The following NLGN1 variants were observed in gnomAD, a reference collection of about 807,000 sequenced individuals.
NLGN1 encodes the protein neuroligin-1.
A neutral mutation model predicts 65.5 loss-of-function variants in NLGN1; 12 were observed. The observed-to-expected ratio is 0.18, with a 90% CI of 0.12 to 0.30. NLGN1 has a LOEUF of 0.30. NLGN1 is among the 10% of genes least tolerant of loss of function. The probability of loss-of-function intolerance (pLI) is 1.00; values close to 1 mark genes in which losing one functional copy is unlikely to be tolerated. For missense variants in NLGN1, 750 were observed against 1,007.1 expected (o/e 0.74, Z 3.46); for synonymous variants, 350 against 359.5 (o/e 0.97, Z 0.30).
chr3:174,118,440 AAAT>A (rs1717027720), intron 4 of NLGN1, among the ~76,000 whole-genome samples: 1 of 152,300 alleles, frequency 6.6e-6, no homozygotes, highest in African/African-American at 2.4e-5. Flanking sequence ...GAATTAAAAC[AAAT>A]AATAAGAAGA....
chr3:173,754,214 CTT>C (rs1776759951), intron 3 of NLGN1, among the ~76,000 whole-genome samples: 1 of 151,442 alleles, frequency 6.6e-6, no homozygotes, highest in Non-Finnish European at 1.5e-5. Context: ...GCCTGGCTAA[CTT>C]TTGTAGTTTT....
At chr3:174,055,532 C>A (rs1735866134) in intron 4 of NLGN1, among the ~76,000 whole-genome samples, 2 of 151,946 alleles carry the variant, frequency 1.3e-5, no homozygotes, top group South Asian at 4.1e-4. Flanking sequence ...GAGAGGGAGG[C>A]ATTTAGATTT....
chr3:173,472,829 A>G (rs902538492), intron 2 of NLGN1, among the ~76,000 whole-genome samples: 1 of 152,132 alleles, frequency 6.6e-6, no homozygotes, highest in African/African-American at 2.4e-5. Context: ...TGTACTATGT[A>G]AGGCATTTTG....
Position 174,280,700 on chromosome 3 carries a change from C to T in NLGN1, c.1869C>T (p.Thr623=). Residue 623 remains threonine (T), a synonymous_variant, in exon 7 of 7, where the codon ACC becomes ACT. Coordinates refer to ENST00000457714, the Ensembl canonical transcript of NLGN1. The surrounding 1 kb of genome is among the most constrained non-coding windows in gnomAD (Gnocchi z 4.9). ...ATCTCAATGACATTTCTCAGTATAC[C>T]TCTACAACAACTAAAGTGCCATCAA... 6.2e-7 allele frequency: 1 copy of T among 1,613,276 alleles called. No individual in the cohort carries two copies. Among genetic ancestry groups the T allele is most frequent in the Non-Finnish European group, 8.5e-7 (1 of 1,179,546 alleles).
intron 2 of NLGN1, among the ~76,000 whole-genome samples, chr3:173,553,189 G>A (rs1741169082): frequency 6.6e-6 from 1 of 152,110 alleles, no homozygotes; most frequent in Non-Finnish European, 1.5e-5. Context: ...GATCACCATA[G>A]TTAACTAGTA....
chr3:173,545,136 G>T (rs1414079200), intron 2 of NLGN1, among the ~76,000 whole-genome samples: 5 of 151,930 alleles, frequency 3.3e-5, no homozygotes, highest in Non-Finnish European at 7.4e-5. Flanking sequence ...GTGTAAAGTC[G>T]CAATTTCGGC....
chr3:173,466,446 C>A (rs529938046), intron 2 of NLGN1, among the ~76,000 whole-genome samples: 1 of 152,250 alleles, frequency 6.6e-6, no homozygotes, highest in Non-Finnish European at 1.5e-5. Flanking sequence ...TTTCTAGCTA[C>A]CAAGATAATA....
intron 2 of NLGN1, among the ~76,000 whole-genome samples, chr3:173,493,510 T>C (rs553260563): frequency 6.6e-6 from 1 of 151,944 alleles, no homozygotes; most frequent in Non-Finnish European, 1.5e-5. Flanking sequence ...AGTTAATATA[T>C]GTATTTAATA....
chr3:173,503,290 T>C (rs986026034), intron 2 of NLGN1, among the ~76,000 whole-genome samples: 1 of 152,098 alleles, frequency 6.6e-6, no homozygotes, highest in Non-Finnish European at 1.5e-5. Context: ...AAATATATGC[T>C]GAGTACCTAC....
At chr3:174,233,575 T>G (rs2152820550) in intron 4 of NLGN1, among the ~76,000 whole-genome samples, 1 of 152,136 alleles carries the variant, frequency 6.6e-6, no homozygotes, top group Middle Eastern at 3.4e-3. Context: ...GCTATATGTG[T>G]CATACAATTT....
chr3:173,413,850 CCTT>C (rs1278794548), intron 1 of NLGN1, among the ~76,000 whole-genome samples: 1 of 152,210 alleles, frequency 6.6e-6, no homozygotes, highest in Non-Finnish European at 1.5e-5. Context: ...GTTTCAAGAA[CCTT>C]CTTCTCCCTG....
At chr3:173,924,487 A>C (rs1742644573) in intron 4 of NLGN1, among the ~76,000 whole-genome samples, 1 of 151,880 alleles carries the variant, frequency 6.6e-6, no homozygotes, top group Admixed American at 6.6e-5. Flanking sequence ...CTTCAGAGTC[A>C]ATTAGGTATG....
At chr3:173,850,064 A>G (rs1429225901) in intron 4 of NLGN1, among the ~76,000 whole-genome samples, 2 of 152,200 alleles carry the variant, frequency 1.3e-5, no homozygotes, top group African/African-American at 2.4e-5. Flanking sequence ...ACAGAAAAAT[A>G]TAGAGAGAAG....
intron 2 of NLGN1, among the ~76,000 whole-genome samples, chr3:173,561,641 T>C (rs191690496): frequency 6.6e-6 from 1 of 152,270 alleles, no homozygotes; most frequent in East Asian, 1.9e-4. Context: ...TAATAAATAT[T>C]AGTTAAAGAC....
intron 3 of NLGN1, among the ~76,000 whole-genome samples, chr3:173,627,088 C>T (rs1418417880): frequency 1.3e-5 from 2 of 152,072 alleles, no homozygotes; most frequent in Non-Finnish European, 1.5e-5. Context: ...GTTCTTTACT[C>T]TGATCTACCA....
rs182968589 is a variant in NLGN1 at position 174,141,183 on chromosome 3, G to A, written c.647-134132G>A. On this transcript the variant is annotated intron_variant, in intron 4 of 6. Transcript: ENST00000457714. ...TAGTTTTTACACTGTTTTATATTAA[G>A]AAATTAACAAGAAAAAGACTTTTTT... Among the ~76,000 whole-genome samples, 42 of 152,064 alleles carry A rather than the reference G, an allele frequency of 2.8e-4. 1 individual carries two copies. In the East Asian group the frequency reaches 6.6e-3, roughly 24 times the overall value.
intron 4 of NLGN1, among the ~76,000 whole-genome samples, chr3:174,098,654 T>C (rs570094545): frequency 6.6e-6 from 1 of 152,276 alleles, no homozygotes; most frequent in Non-Finnish European, 1.5e-5. Flanking sequence ...GATGGTCTTG[T>C]TAAAATTCAG....
At chr3:174,068,639 G>T (rs1360267616) in intron 4 of NLGN1, among the ~76,000 whole-genome samples, 1 of 152,020 alleles carries the variant, frequency 6.6e-6, no homozygotes, top group Non-Finnish European at 1.5e-5. Flanking sequence ...CTGACTATTT[G>T]CAGGCTTTCA....
chr3:173,788,935 C>T (rs2901997), intron 3 of NLGN1, among the ~76,000 whole-genome samples: 101,070 of 151,070 alleles, frequency 0.67, 34,629 homozygotes, highest in Non-Finnish European at 0.75. Flanking sequence ...TGATGGCTCA[C>T]GCCTGTAATC....
Sources: gnomAD v4.1 joint callset for allele counts (sites outside exome capture counted in the v4.1 genomes callset) on GRCh38, gnomAD v4.1.1 for gene constraint, Gnocchi (gnomAD v3.1) non-coding constraint, MANE v1.5 for transcripts, NCBI Gene and HGNC (gene_info 2026-07-23, HGNC 2026-07-21) for gene names.